SHLD2: variants seen among roughly 807,000 people sequenced by gnomAD.
SHLD2 encodes RINN1-REV7-interacting novel NHEJ regulator 2.
A neutral mutation model predicts 73.2 loss-of-function variants in SHLD2; 30 were observed. The ratio of observed to expected loss-of-function variants is 0.41; its 90% CI spans 0.31 to 0.56. The LOEUF is 0.56. Among genes scored for constraint, SHLD2 ranks in the 20% least tolerant of loss-of-function variants. SHLD2 has a pLI of 0.28. For synonymous variants in SHLD2, 285 were observed against 370.1 expected, an observed-to-expected ratio of 0.77 and a Z score of 2.64; for missense variants, 745 against 1,055.9, an observed-to-expected ratio of 0.71 and a Z score of 4.08.
intron 1 of SHLD2, 103 bp from the exon 2 acceptor site, chr10:87,096,830 AC>A (rs1260028902): frequency 2.0e-5 from 3 of 152,190 alleles, no homozygotes; most frequent in Non-Finnish European, 2.9e-5. Flanking sequence ...ATCTAAGTGT[AC>A]TCTCAAAGTC....
At chr10:87,111,361 G>T (rs61858892) in intron 2 of SHLD2, among the ~76,000 whole-genome samples, 5,128 of 151,892 alleles carry the variant, frequency 0.034, 144 homozygotes, top group Non-Finnish European at 0.057. Context: ...AGAAATGGGG[G>T]CCAGGCACAG....
chr10:87,095,626 C>T (rs1841794201), intron 1 of SHLD2, among the ~76,000 whole-genome samples: 1 of 152,216 alleles, frequency 6.6e-6, no homozygotes, highest in Non-Finnish European at 1.5e-5. Flanking sequence ...GCGTGGCTGG[C>T]GTGAGCTGGA....
chr10:87,180,482 A>C (rs1848238386), intron 8 of SHLD2, among the ~76,000 whole-genome samples, 179 bp downstream of exon 8: 1 of 152,196 alleles, frequency 6.6e-6, no homozygotes. Flanking sequence ...CGTTATAGGA[A>C]TTTCTTAAAG....
At chr10:87,127,525 A>AC (rs1434245122) in intron 2 of SHLD2, among the ~76,000 whole-genome samples, 30 of 28,994 alleles carry the variant, frequency 1.0e-3, no homozygotes, top group African/African-American at 4.6e-3. Context: ...TGTCCCTCTT[A>AC]CCCGCCCCCC....
intron 2 of SHLD2, among the ~76,000 whole-genome samples, chr10:87,105,487 G>A (rs919819636): frequency 6.6e-6 from 1 of 152,194 alleles, no homozygotes; most frequent in Non-Finnish European, 1.5e-5. Context: ...TGGACCTGAA[G>A]TAAGAAGATA....
At chr10:87,145,264 GTGT>G (rs2049918360) in intron 2 of SHLD2, among the ~76,000 whole-genome samples, 1 of 152,138 alleles carries the variant, frequency 6.6e-6, no homozygotes, top group East Asian at 1.9e-4. Flanking sequence ...TATTAGTACT[GTGT>G]TGTTAACACA....
At chr10:87,111,418 A>C (rs1842911935) in intron 2 of SHLD2, among the ~76,000 whole-genome samples, 1 of 151,804 alleles carries the variant, frequency 6.6e-6, no homozygotes, top group African/African-American at 2.4e-5. Flanking sequence ...AAGTAGACGG[A>C]TCACTTGAGG....
At chr10:87,158,937 C>G (rs2134402816) in intron 4 of SHLD2, among the ~76,000 whole-genome samples, 2 of 151,996 alleles carry the variant, frequency 1.3e-5, no homozygotes, top group Non-Finnish European at 2.9e-5. Context: ...TACATATATA[C>G]CTTATAGGGT....
rs566042056 is a variant in SHLD2 at position 87,146,783 on chromosome 10, G to A, written c.-5-4567G>A. Among the ~76,000 whole-genome samples the A allele has an allele frequency of 9.1e-4, 138 of 151,858 alleles. 2 individuals are homozygous for A. The highest frequency in any genetic ancestry group is 3.2e-3 in the African/African-American group (132 of 41,444). On this transcript the variant is annotated intron_variant, in intron 2 of 9. Transcript: ENST00000298786. ...ATATAATAACCTTGTGCCGCCCAGC[G>A]TGGTGGCTCATGCCTCTAATCTCAG...
intron 2 of SHLD2, among the ~76,000 whole-genome samples, chr10:87,127,544 G>GA (rs1564587250): frequency 2.6e-5 from 1 of 38,232 alleles, no homozygotes. Context: ...CCCCCACCCC[G>GA]TCTGCCACCC....
chr10:87,104,817 C>T (rs561212288), intron 2 of SHLD2, among the ~76,000 whole-genome samples: 110 of 151,880 alleles, frequency 7.2e-4, no homozygotes, highest in African/African-American at 2.6e-3. Context: ...CCTGCCACCA[C>T]GCCCGCCTAA....
rs982692136 is a variant in SHLD2, at chr10:87,152,493, G to A, written c.1139G>A (p.Cys380Tyr). ...CACAAAAGTGCTATTAAAAGAAGCT[G>A]TACCTCTGAAGATAAAGTGGGCCAG... ...TFHKSAIKRS[C>Y]TSEDKVGQSE... The change falls in exon 3 of 10, where the codon TGT becomes TAT. Residue 380 changes from cysteine (C) to tyrosine (Y), a missense_variant. Transcript: ENST00000298786. The A allele has an allele frequency of 1.1e-5, 17 of 1,611,722 alleles. No homozygotes were observed. The African/African-American group carries it at 1.9e-4, about 18-fold the overall frequency.
In SHLD2 at chr10:87,134,558, TTCA is replaced by T. The variant is rs1487696667; in HGVS notation, c.-5-16791_-5-16789del. 7.4e-3 allele frequency among the ~76,000 whole-genome samples: 1,122 copies of T among 152,238 alleles called. 14 individuals carry two copies. The highest frequency in any genetic ancestry group is 0.025 in the African/African-American group (1,046 of 41,544). ...CCTACCCACAGATGTTCACTGAATG[TTCA>T]GGAGTAGTAAGCCAAAAGCCTGGGC... On this transcript the variant is annotated intron_variant, in intron 2 of 9. Coordinates refer to ENST00000298786, the MANE Select transcript of SHLD2 (RefSeq NM_001330112.2).
intron 2 of SHLD2, among the ~76,000 whole-genome samples, chr10:87,117,195 G>A (rs1418771718): frequency 1.3e-5 from 2 of 150,660 alleles, no homozygotes; most frequent in African/African-American, 4.9e-5. Context: ...CGAGGTGGGC[G>A]GATCACCTGA....
At chr10:87,166,408 ATAG>A (rs1359976510) in intron 4 of SHLD2, among the ~76,000 whole-genome samples, 1 of 151,954 alleles carries the variant, frequency 6.6e-6, no homozygotes. Flanking sequence ...TTTTGTACTA[ATAG>A]TAATAAATGT....
At chr10:87,168,068 G>A (rs1847329022) in intron 4 of SHLD2, among the ~76,000 whole-genome samples, 1 of 152,094 alleles carries the variant, frequency 6.6e-6, no homozygotes, top group African/African-American at 2.4e-5. Flanking sequence ...AAACAGTTTG[G>A]GGTTTTCTCA....
Position 87,152,618 on chromosome 10 carries a change from G to A in SHLD2, c.1264G>A (p.Glu422Lys). ...AVEMDRRNVS[E>K]FKSIKKTSLI... ...AGAAATGGATCGGAGAAATGTGTCTGAATTTAAGAGTATTAAAAAAACATC... is the reference window on the plus strand; with the variant it reads ...AGAAATGGATCGGAGAAATGTGTCTAAATTTAAGAGTATTAAAAAAACATC... Residue 422 changes from glutamate to lysine, a missense_variant, in exon 3 of 10, where the codon GAA becomes AAA. Glu to Lys is a moderately conservative substitution (Grantham distance 56, BLOSUM62 1). Coordinates refer to ENST00000298786, the MANE Select transcript of SHLD2 (RefSeq NM_001330112.2). 7 of 1,608,590 alleles carry A rather than the reference G, an allele frequency of 4.4e-6. No individual in the cohort carries two copies. The highest frequency in any genetic ancestry group is 2.2e-5 in the East Asian group (1 of 44,850).
At position 87,105,353 on chromosome 10, in the gene SHLD2, A is replaced by T. The variant is rs1480468687; in HGVS notation, c.-6+8364A>T. Among the ~76,000 whole-genome samples the T allele has an allele frequency of 2.0e-5, 3 of 152,214 alleles. No homozygotes were observed. The East Asian group carries it at 5.8e-4, about 29-fold the overall frequency. On this transcript the variant is annotated intron_variant, in intron 2 of 9. Transcript: ENST00000298786. ...ATTCTAGAGGTGTTGCAGAAGAAAC[A>T]GACTTTAGGTGAAGCATATATGTGA...
At chr10:87,189,994 C>T (rs1043337777) in intron 9 of SHLD2, among the ~76,000 whole-genome samples, 1 of 152,002 alleles carries the variant, frequency 6.6e-6, no homozygotes, top group Non-Finnish European at 1.5e-5. Flanking sequence ...GATCACATGC[C>T]GTCACTCTGG....
Sources: gnomAD v4.1 joint callset for allele counts (sites outside exome capture counted in the v4.1 genomes callset) on GRCh38, gnomAD v4.1.1 for gene constraint, MANE v1.5 for transcripts, NCBI Gene and HGNC (gene_info 2026-07-23, HGNC 2026-07-21) for gene names.